Variants in ERC1 observed in about 807,000 individuals in gnomAD.
ERC1 encodes the protein ELKS/RAB6-interacting/CAST family member 1, also known as RAB6 interacting protein 2.
A neutral mutation model predicts 132.0 loss-of-function variants in ERC1; 56 were observed. That is an observed-to-expected ratio of 0.42 (90% CI 0.34 to 0.53). ERC1 has a LOEUF of 0.53. Ranked by LOEUF, ERC1 falls within the 20% of genes least tolerant of loss-of-function variation. The pLI, the probability that ERC1 is intolerant of heterozygous loss-of-function variation, is 0.03. For missense variants in ERC1, 1,202 were observed against 1,349.9 expected (o/e 0.89, Z 1.72); for synonymous variants, 478 against 476.1 (o/e 1.00, Z -0.05).
At position 1,219,837 on chromosome 12, in the gene ERC1, A is replaced by G. The variant is rs751133093; in HGVS notation, c.2352-16932A>G. On this transcript the variant is annotated intron_variant, in intron 12 of 18. Transcript: ENST00000360905. ...TTTTTTGTAGAGACAGGGTTTTGCCAAAGAGCAGGGAGTACAGGCATGAGC... is the reference window on the plus strand; with the variant it reads ...TTTTTTGTAGAGACAGGGTTTTGCCGAAGAGCAGGGAGTACAGGCATGAGC... Among the ~76,000 whole-genome samples the G allele has an allele frequency of 1.6e-4, 24 of 152,198 alleles. No homozygotes were observed. In the South Asian group the frequency reaches 1.9e-3, roughly 12 times the overall value.
rs2154377115 is a variant in ERC1, at chr12:1,378,077, G to A, written c.2925+6100G>A. On this transcript the variant is annotated intron_variant, in intron 16 of 18. Transcript: ENST00000360905. ...ATGTGTCGTCTTTACCTATCTCAAA[G>A]TTTTGAGTAAAGAATATAAATATAT... is the stretch of plus-strand genomic sequence containing the variant. Among the ~76,000 whole-genome samples, 3 of 152,252 alleles carry A rather than the reference G, an allele frequency of 2.0e-5. No homozygotes were observed. In the South Asian group the frequency reaches 6.2e-4, roughly 32 times the overall value.
chr12:1,091,051 G>A (rs1156682556), intron 3 of ERC1, among the ~76,000 whole-genome samples: 1 of 152,014 alleles, frequency 6.6e-6, no homozygotes, highest in East Asian at 1.9e-4. Context: ...GCGTGCACAA[G>A]CTAATTTTTG....
chr12:1,401,224 G>A (rs551173388), intron 16 of ERC1, among the ~76,000 whole-genome samples: 3 of 151,978 alleles, frequency 2.0e-5, no homozygotes, highest in African/African-American at 4.8e-5. Flanking sequence ...GTGAGCCACC[G>A]CGCCCAGCCC....
chr12:1,415,922 GC>G (rs1284781617), intron 17 of ERC1, among the ~76,000 whole-genome samples: 11 of 152,280 alleles, frequency 7.2e-5, no homozygotes, highest in African/African-American at 2.6e-4. Flanking sequence ...TATAGGTCCA[GC>G]ACTTTCATGT....
At chr12:1,346,174 G>C (rs2154364454) in intron 15 of ERC1, among the ~76,000 whole-genome samples, 1 of 152,130 alleles carries the variant, frequency 6.6e-6, no homozygotes, top group East Asian at 1.9e-4. Flanking sequence ...TTGTTTGTTT[G>C]TTTGTTTTTC....
intron 16 of ERC1, among the ~76,000 whole-genome samples, chr12:1,402,471 C>T (rs1403276156): frequency 2.7e-5 from 4 of 150,886 alleles, no homozygotes; most frequent in South Asian, 2.1e-4. Flanking sequence ...TGTAGTGAGC[C>T]GAGATCACAC....
intron 14 of ERC1, among the ~76,000 whole-genome samples, chr12:1,267,298 T>C (rs1175510680): frequency 6.6e-6 from 1 of 152,228 alleles, no homozygotes; most frequent in Non-Finnish European, 1.5e-5. Flanking sequence ...CTGTTTAACT[T>C]TTGGTGGGTT....
At chr12:1,377,462 G>T (rs905790495) in intron 16 of ERC1, among the ~76,000 whole-genome samples, 1 of 152,180 alleles carries the variant, frequency 6.6e-6, no homozygotes, top group East Asian at 1.9e-4. Context: ...TAGAATGCCA[G>T]TTACCATGAT....
In ERC1 at chr12:1,146,318, T is replaced by TGTTGTTGTTG. The variant is rs1555269108; in HGVS notation, c.1737+4531_1737+4532insGTTGTTGTTG. On this transcript the variant is annotated intron_variant, in intron 8 of 18. Transcript: ENST00000360905. ...TTAGGTATTTTACTGGTTTTTTTTTTTTTTTTTTTTTTTTTGCAGTTATTG... is the reference window on the plus strand; with the variant it reads ...TTAGGTATTTTACTGGTTTTTTTTTTGTTGTTGTTGTTTTTTTTTTTTTTTGCAGTTATTG... Among the ~76,000 whole-genome samples the TGTTGTTGTTG allele has an allele frequency of 1.7e-4, 23 of 135,052 alleles. 1 individual carries two copies. Among genetic ancestry groups the TGTTGTTGTTG allele is most frequent in the African/African-American group, 7.4e-4 (23 of 30,876 alleles). The allele number at this position is 135,052 out of a possible 152,430, so 88.6% of individuals were successfully genotyped here.
intron 1 of ERC1, among the ~76,000 whole-genome samples, chr12:1,025,948 C>T (rs1331503220): frequency 6.6e-6 from 1 of 152,088 alleles, no homozygotes; most frequent in Non-Finnish European, 1.5e-5. Context: ...AGGCACCTGC[C>T]ACCATGCTTG....
chr12:1,261,868 G>A (rs772971074), intron 13 of ERC1, among the ~76,000 whole-genome samples: 1 of 151,960 alleles, frequency 6.6e-6, no homozygotes, highest in African/African-American at 2.4e-5. Flanking sequence ...TTAAAATTTA[G>A]AAAAACGAGA....
intron 2 of ERC1, among the ~76,000 whole-genome samples, chr12:1,031,442 A>G (rs1232288149): frequency 1.3e-5 from 2 of 152,140 alleles, no homozygotes; most frequent in Non-Finnish European, 2.9e-5. Context: ...AATGCCTCCT[A>G]CCATTCTATT....
chr12:1,225,813 A>G (rs2074532493), intron 12 of ERC1, among the ~76,000 whole-genome samples: 2 of 152,308 alleles, frequency 1.3e-5, no homozygotes, highest in South Asian at 4.2e-4. Flanking sequence ...ATAATTCACA[A>G]ATGCAAGGTG....
At chr12:1,227,242 C>T (rs1322987169) in intron 12 of ERC1, among the ~76,000 whole-genome samples, 1 of 152,196 alleles carries the variant, frequency 6.6e-6, no homozygotes, top group Non-Finnish European at 1.5e-5. Context: ...TTTACACTCC[C>T]ACCAACAGTG....
chr12:1,396,386 A>G (rs1196900062), intron 16 of ERC1, among the ~76,000 whole-genome samples: 1 of 152,178 alleles, frequency 6.6e-6, no homozygotes, highest in African/African-American at 2.4e-5. Flanking sequence ...TTTTGCACCA[A>G]TCATGGAAAA....
At chr12:1,084,914 C>G (rs925731686) in intron 3 of ERC1, among the ~76,000 whole-genome samples, 1 of 152,168 alleles carries the variant, frequency 6.6e-6, no homozygotes, top group Non-Finnish European at 1.5e-5. Context: ...GTTGCCTAGG[C>G]TGGTCTTGAA....
intron 13 of ERC1, among the ~76,000 whole-genome samples, chr12:1,254,180 A>G (rs2076643994): frequency 6.6e-6 from 1 of 152,224 alleles, no homozygotes; most frequent in Non-Finnish European, 1.5e-5. Flanking sequence ...AGGTGATATG[A>G]ACTATTTAAA....
chr12:1,374,551 C>G (rs185390483), intron 16 of ERC1, among the ~76,000 whole-genome samples: 11 of 152,200 alleles, frequency 7.2e-5, no homozygotes, highest in Non-Finnish European at 1.5e-4. Context: ...GTGTTCAGAC[C>G]TTAAGTCATG....
intron 8 of ERC1, among the ~76,000 whole-genome samples, chr12:1,154,410 T>A (rs1183859363): frequency 6.7e-6 from 1 of 149,456 alleles, no homozygotes; most frequent in African/African-American, 2.5e-5. Context: ...ATACAAAAAT[T>A]AACCTAGGTG....
Sources: gnomAD v4.1 joint callset for allele counts (sites outside exome capture counted in the v4.1 genomes callset) on GRCh38, gnomAD v4.1.1 for gene constraint, MANE v1.5 for transcripts, NCBI Gene and HGNC (gene_info 2026-07-23, HGNC 2026-07-21) for gene names.